LINGO2: variants seen among roughly 807,000 people sequenced by gnomAD.
LINGO2 encodes leucine rich repeat and Ig domain containing 2.
In LINGO2, 14 loss-of-function variants were observed where a neutral mutation model predicts 30.6. The observed-to-expected ratio is 0.46, with a 90% CI of 0.30 to 0.72. The LOEUF is 0.72. Ranked by LOEUF, LINGO2 falls within the 30% of genes least tolerant of loss-of-function variation. The probability of loss-of-function intolerance (pLI) is 0.07; values close to 1 mark genes in which losing one functional copy is unlikely to be tolerated. For missense variants in LINGO2, 729 were observed against 751.7 expected (o/e 0.97, Z 0.35); for synonymous variants, 317 against 288.5 (o/e 1.10, Z -1.00).
chr9:28,881,289 A>G, the LINGO2 span, among the ~76,000 whole-genome samples: 1 of 151,886 alleles, frequency 6.6e-6, no homozygotes, highest in Non-Finnish European at 1.5e-5. Flanking sequence ...ACGCCTGGCT[A>G]ATTTTTGTAT....
intron 5 of LINGO2, among the ~76,000 whole-genome samples, chr9:27,966,193 C>G (rs1270180500): frequency 6.6e-6 from 1 of 152,022 alleles, no homozygotes; most frequent in African/African-American, 2.4e-5. Flanking sequence ...GATATGCAAT[C>G]TGGAGGCAAT....
intron 1 of LINGO2, among the ~76,000 whole-genome samples, chr9:28,610,676 G>T (rs1444125583): frequency 1.3e-5 from 2 of 152,074 alleles, no homozygotes; most frequent in African/African-American, 4.8e-5. Context: ...CCATCCTCCA[G>T]AACTGTGAGA....
intron 2 of LINGO2, among the ~76,000 whole-genome samples, chr9:28,447,298 C>T (rs1345422818): frequency 3.3e-5 from 5 of 152,254 alleles, no homozygotes; most frequent in African/African-American, 1.2e-4. Flanking sequence ...ATCATGAGGG[C>T]TGTGTCCTTA....
rs373441879 is a variant in LINGO2, at chr9:28,047,418, CT to C, written c.-86-35014del. Among the ~76,000 whole-genome samples the C allele has an allele frequency of 3.4e-3, 482 of 141,380 alleles. 38 individuals are homozygous for C. The South Asian group carries it at 0.078, about 23-fold the overall frequency. The allele number at this position is 141,380 out of a possible 152,430, so 92.8% of individuals were successfully genotyped here. On this transcript the variant is annotated intron_variant, in intron 4 of 5. Transcript: ENST00000379992. The stretch of plus-strand genomic sequence containing the variant: ...TATTCAAACAGATAGTGGCCTTCCA[CT>C]TCTTTTCCAGTTGAAATATTAACTA...
intron 4 of LINGO2, among the ~76,000 whole-genome samples, chr9:28,162,524 A>G (rs539350095): frequency 2.6e-5 from 4 of 152,298 alleles, no homozygotes; most frequent in African/African-American, 9.6e-5. Context: ...GTCAAGAGGA[A>G]TAAGTCTCTC....
chr9:28,252,206 G>GTTAAAAATC (rs1354774760), intron 4 of LINGO2, among the ~76,000 whole-genome samples: 1 of 152,076 alleles, frequency 6.6e-6, no homozygotes, highest in Non-Finnish European at 1.5e-5. Context: ...TGGAATGAAG[G>GTTAAAAATC]TTAAAAATCA....
chr9:28,517,723 A>G (rs1265111156), intron 1 of LINGO2, among the ~76,000 whole-genome samples: 1 of 152,212 alleles, frequency 6.6e-6, no homozygotes, highest in African/African-American at 2.4e-5. Context: ...AATAATTTTC[A>G]AGCAACATTA....
At chr9:28,045,383 C>G (rs1045717050) in intron 4 of LINGO2, among the ~76,000 whole-genome samples, 1 of 152,042 alleles carries the variant, frequency 6.6e-6, no homozygotes, top group Non-Finnish European at 1.5e-5. Flanking sequence ...TCAAGTTTTC[C>G]GAATTACCTA....
chr9:28,755,757 C>T, the LINGO2 span, among the ~76,000 whole-genome samples: 1 of 152,020 alleles, frequency 6.6e-6, no homozygotes, highest in Non-Finnish European at 1.5e-5. Context: ...CGGAGAAGGA[C>T]ATCATCCTAA....
At chr9:28,384,013 T>A (rs1249144568) in intron 2 of LINGO2, among the ~76,000 whole-genome samples, 4 of 152,068 alleles carry the variant, frequency 2.6e-5, no homozygotes, top group East Asian at 3.9e-4. Context: ...TTACATATGT[T>A]CATTTTCACT....
the LINGO2 span, among the ~76,000 whole-genome samples, chr9:29,193,857 G>A: frequency 6.6e-6 from 1 of 152,258 alleles, no homozygotes; most frequent in East Asian, 1.9e-4. Flanking sequence ...ACTGCTATGG[G>A]CCATGCACCC....
At chr9:28,379,416 T>C (rs1003361420) in intron 2 of LINGO2, among the ~76,000 whole-genome samples, 4 of 152,080 alleles carry the variant, frequency 2.6e-5, no homozygotes, top group Admixed American at 6.6e-5. Flanking sequence ...AAGAGCACTG[T>C]AAATAAAATC....
intron 2 of LINGO2, among the ~76,000 whole-genome samples, chr9:28,452,402 T>C (rs1824682396): frequency 6.6e-6 from 1 of 151,792 alleles, no homozygotes; most frequent in Non-Finnish European, 1.5e-5. Flanking sequence ...GGAATATATA[T>C]GGGAAACTCT....
chr9:28,239,863 A>G (rs1440587007), intron 4 of LINGO2, among the ~76,000 whole-genome samples: 1 of 152,180 alleles, frequency 6.6e-6, no homozygotes, highest in Non-Finnish European at 1.5e-5. Context: ...TGCAGATGAT[A>G]TGATCTTATA....
chr9:28,519,475 T>C (rs1820750329), intron 1 of LINGO2, among the ~76,000 whole-genome samples: 1 of 151,240 alleles, frequency 6.6e-6, no homozygotes, highest in Admixed American at 6.6e-5. Flanking sequence ...TATATATAGC[T>C]TTTAGATGTT....
chr9:28,356,855 C>G (rs543811868), intron 3 of LINGO2, among the ~76,000 whole-genome samples: 3 of 151,822 alleles, frequency 2.0e-5, no homozygotes, highest in African/African-American at 7.3e-5. Flanking sequence ...TGGAGAGATA[C>G]TAAGCAAGTT....
intron 4 of LINGO2, among the ~76,000 whole-genome samples, chr9:28,029,446 A>G (rs747206134): frequency 4.6e-5 from 7 of 152,188 alleles, no homozygotes; most frequent in Non-Finnish European, 7.4e-5. Context: ...ACGAAGATGC[A>G]AGGCTTGTTG....
At chr9:29,034,661 A>G in the LINGO2 span, among the ~76,000 whole-genome samples, 2 of 152,178 alleles carry the variant, frequency 1.3e-5, no homozygotes, top group African/African-American at 4.8e-5. Flanking sequence ...ATCAGTGTCT[A>G]TTTTAAGATA....
chr9:28,846,126 C>T, the LINGO2 span, among the ~76,000 whole-genome samples: 1 of 151,746 alleles, frequency 6.6e-6, no homozygotes, highest in Non-Finnish European at 1.5e-5. Context: ...ATTTACCTCT[C>T]TCATCCCAGT....
Sources: allele counts gnomAD v4.1 joint callset (sites outside exome capture counted in the v4.1 genomes callset), GRCh38; gene constraint gnomAD v4.1.1; transcripts MANE v1.5; gene names NCBI Gene and HGNC (gene_info 2026-07-23, HGNC 2026-07-21).